The following PCDHA3 variants were observed in gnomAD, a reference collection of about 807,000 sequenced individuals.
PCDHA3 encodes the protein protocadherin alpha 3.
PCDHA3 carries 41 observed loss-of-function variants against 62.2 expected under a neutral mutation model. The ratio of observed to expected loss-of-function variants is 0.66; its 90% CI spans 0.51 to 0.86. PCDHA3 has a LOEUF of 0.86. Among genes scored for constraint, PCDHA3 ranks in the 40% least tolerant of loss-of-function variants. PCDHA3 has a pLI of 0.00. For missense variants in PCDHA3, 1,304 were observed against 1,241.2 expected (o/e 1.05, Z -0.76); for synonymous variants, 640 against 555.4 (o/e 1.15, Z -2.14).
intron 3 of PCDHA3, among the ~76,000 whole-genome samples, chr5:141,002,937 C>T (rs2098103358): frequency 6.6e-6 from 1 of 152,232 alleles, no homozygotes; most frequent in Non-Finnish European, 1.5e-5. Context: ...CCAACACCCT[C>T]CAGCACATGC....
intron 1 of PCDHA3, among the ~76,000 whole-genome samples, chr5:140,833,207 A>G (rs1554133788): frequency 6.6e-6 from 1 of 152,228 alleles, no homozygotes; most frequent in African/African-American, 2.4e-5. Context: ...AGAATGAAAT[A>G]GGAATGGACA....
At chr5:141,001,885 A>C (rs1462586962) in intron 3 of PCDHA3, among the ~76,000 whole-genome samples, 2 of 152,228 alleles carry the variant, frequency 1.3e-5, no homozygotes, top group African/African-American at 2.4e-5. Context: ...GAAGGAGCAA[A>C]GAAATCGGGG....
intron 1 of PCDHA3, chr5:140,829,768 C>G: frequency 1.9e-6 from 3 of 1,613,766 alleles, no homozygotes; most frequent in Non-Finnish European, 2.5e-6. Flanking sequence ...TGGACGAGAA[C>G]GACAACGCGC....
At chr5:140,907,480 CA>C (rs1384591200) in intron 1 of PCDHA3, among the ~76,000 whole-genome samples, 2 of 152,212 alleles carry the variant, frequency 1.3e-5, no homozygotes, top group African/African-American at 4.8e-5. Context: ...GCAGGATAGG[CA>C]AACCCATATC....
chr5:140,830,441 G>C (rs1251933211), intron 1 of PCDHA3: 9 of 1,608,106 alleles, frequency 5.6e-6, no homozygotes, highest in Non-Finnish European at 7.7e-6. Context: ...TATTATGATG[G>C]GTAAGGCGGA....
In PCDHA3 at chr5:140,937,571, C is replaced by T. The variant is rs188926211; in HGVS notation, c.2395-41378C>T. 1.3e-4 allele frequency among the ~76,000 whole-genome samples: 20 copies of T among 151,578 alleles called. No homozygotes were observed. The East Asian group carries it at 2.7e-3, about 21-fold the overall frequency. On this transcript the variant is annotated intron_variant, in intron 1 of 3. Coordinates refer to ENST00000522353, the MANE Select transcript of PCDHA3 (RefSeq NM_018906.3). Reference sequence around the variant, plus strand: ...GGCAGAGGTTGCAGTGAGCTGGGATCGCGTCACTGCACTCTAGCCTGGGCA... The same window carrying T: ...GGCAGAGGTTGCAGTGAGCTGGGATTGCGTCACTGCACTCTAGCCTGGGCA...
chr5:140,944,316 T>G (rs140163712), intron 1 of PCDHA3, among the ~76,000 whole-genome samples: 1 of 151,958 alleles, frequency 6.6e-6, no homozygotes, highest in Non-Finnish European at 1.5e-5. Context: ...GCCTCCTGAG[T>G]AGCTGGGATT....
chr5:140,882,024 G>A lies in PCDHA3; in HGVS notation c.2394+78433G>A, dbSNP rs4151690. On this transcript the variant is annotated intron_variant, in intron 1 of 3. Transcript: ENST00000522353. ...AGGGGCAAAAAAATACTACATCAAT[G>A]GAAAATATGAAGACTGAGTCATACT... is the stretch of plus-strand genomic sequence containing the variant. 118 of 580,388 alleles carry A rather than the reference G, an allele frequency of 2.0e-4. 2 individuals carry two copies. The highest frequency in any genetic ancestry group is 1.6e-3 in the East Asian group (53 of 32,696). The allele number at this position is 580,388 out of a possible 1,614,324, so 36.0% of individuals were successfully genotyped here. A position where few individuals can be genotyped will look rare whatever the true frequency, so the allele number is the denominator to read the frequency against.
intron 1 of PCDHA3, among the ~76,000 whole-genome samples, chr5:140,888,838 A>G (rs2061999996): frequency 6.6e-6 from 1 of 152,078 alleles, no homozygotes; most frequent in East Asian, 1.9e-4. Flanking sequence ...ACTCCACTGC[A>G]GCCTGGTGAC....
intron 1 of PCDHA3, chr5:140,817,607 C>T (rs1766165670): frequency 6.6e-6 from 1 of 152,170 alleles, no homozygotes. Context: ...AACGCTAAGA[C>T]CTTGAATCAT....
intron 1 of PCDHA3, chr5:140,813,079 T>C (rs2126643800): frequency 1.3e-5 from 2 of 152,228 alleles, no homozygotes; most frequent in Non-Finnish European, 2.9e-5. Context: ...TCCTGGAAAA[T>C]GCTCTGAGTG....
chr5:140,953,713 A>T (rs1372806666), intron 1 of PCDHA3, among the ~76,000 whole-genome samples: 1 of 152,218 alleles, frequency 6.6e-6, no homozygotes, highest in Admixed American at 6.5e-5. Context: ...TGAGCTTCAG[A>T]CATTGTGTTT....
chr5:140,945,614 A>G lies in PCDHA3; in HGVS notation c.2395-33335A>G, dbSNP rs2093816394. Among the ~76,000 whole-genome samples the G allele has an allele frequency of 2.0e-5, 3 of 152,278 alleles. No homozygotes were observed. The South Asian group carries it at 6.2e-4, about 32-fold the overall frequency. ...TCAAAGCTATAATAATCAAAACAGC[A>G]TGGTACTGGCATAAAAGACATGTAG... On this transcript the variant is annotated intron_variant, in intron 1 of 3. Coordinates refer to ENST00000522353, the MANE Select transcript of PCDHA3 (RefSeq NM_018906.3).
At chr5:140,866,372 A>G (rs1260781135) in intron 1 of PCDHA3, 2 of 152,168 alleles carry the variant, frequency 1.3e-5, no homozygotes, top group Non-Finnish European at 2.9e-5. Flanking sequence ...GCATACTTCA[A>G]TAACAATTTT....
chr5:140,927,505 G>C, intron 1 of PCDHA3: 2 of 1,614,120 alleles, frequency 1.2e-6, no homozygotes, highest in Middle Eastern at 1.6e-4. Context: ...GGTGCTTACA[G>C]CTCGGGACGG....
intron 1 of PCDHA3, among the ~76,000 whole-genome samples, chr5:140,938,314 T>C (rs1026606524): frequency 2.0e-5 from 3 of 152,220 alleles, no homozygotes; most frequent in Non-Finnish European, 2.9e-5. Flanking sequence ...AGTATAAAAT[T>C]GAATAGAAGT....
intron 1 of PCDHA3, among the ~76,000 whole-genome samples, chr5:140,950,176 T>G (rs1221821328): frequency 6.6e-6 from 1 of 151,976 alleles, no homozygotes; most frequent in Non-Finnish European, 1.5e-5. Flanking sequence ...TTTAGAGAAT[T>G]AAGAAGGAAA....
chr5:140,952,221 C>T (rs991982346), intron 1 of PCDHA3, among the ~76,000 whole-genome samples: 1 of 151,940 alleles, frequency 6.6e-6, no homozygotes, highest in Non-Finnish European at 1.5e-5. Flanking sequence ...TTTCCAGGCA[C>T]AGTGTGCAAG....
At chr5:140,977,373 A>G (rs1167438428) in intron 1 of PCDHA3, among the ~76,000 whole-genome samples, 1 of 152,168 alleles carries the variant, frequency 6.6e-6, no homozygotes, top group Non-Finnish European at 1.5e-5. Flanking sequence ...TATTTTAGTC[A>G]TATTTCCAGG....
Sources: gnomAD v4.1 joint callset for allele counts (sites outside exome capture counted in the v4.1 genomes callset) on GRCh38, gnomAD v4.1.1 for gene constraint, MANE v1.5 for transcripts, NCBI Gene and HGNC (gene_info 2026-07-23, HGNC 2026-07-21) for gene names.